TRERF1: variants seen among roughly 807,000 people sequenced by gnomAD.
The protein encoded by TRERF1 is transcriptional-regulating factor 1.
A neutral mutation model predicts 122.9 loss-of-function variants in TRERF1; 27 were observed. That is an observed-to-expected ratio of 0.22 (90% CI 0.16 to 0.30). The LOEUF is 0.30. Ranked by LOEUF, TRERF1 falls within the 10% of genes least tolerant of loss-of-function variation. TRERF1 has a pLI of 1.00. For missense variants in TRERF1, 1,248 were observed against 1,560.3 expected, an observed-to-expected ratio of 0.80 and a Z score of 3.37; for synonymous variants, 636 against 641.7, an observed-to-expected ratio of 0.99 and a Z score of 0.13.
intron 3 of TRERF1, among the ~76,000 whole-genome samples, chr6:42,326,095 T>C (rs116809072): frequency 0.014 from 2,121 of 152,108 alleles, 42 homozygotes; most frequent in African/African-American, 0.047. Context: ...ATGAGTTCAA[T>C]TGAAACCCAA....
At chr6:42,343,301 C>T (rs1185882857) in intron 3 of TRERF1, among the ~76,000 whole-genome samples, 1 of 152,256 alleles carries the variant, frequency 6.6e-6, no homozygotes, top group East Asian at 1.9e-4. Context: ...AGCATGTAGC[C>T]ACAAGAAACC....
rs1346746379 is a variant in TRERF1 at position 42,300,632 on chromosome 6, G to A, written c.-259+6C>T. 2 of 152,684 alleles carry A rather than the reference G, an allele frequency of 1.3e-5. No individual in the cohort carries two copies. The highest frequency in any genetic ancestry group is 2.9e-5 in the Non-Finnish European group (2 of 68,100). 9.5% of individuals were successfully genotyped at this position (152,684 alleles called of 1,614,324 possible). A position where few individuals can be genotyped will look rare whatever the true frequency, so the allele number is the denominator to read the frequency against. ...CAGCCTTCCAGAAGAAGGAAAGCAA[G>A]CTCACCTTGACCTCCGCAGATGGCT... On this transcript the variant is annotated splice_donor_region_variant and intron_variant, in intron 4 of 17. Transcript: ENST00000372922.
chr6:42,259,308 A>G lies in TRERF1; in HGVS notation c.2269+31T>C. On this transcript the variant is annotated intron_variant, in intron 9 of 17. Coordinates refer to ENST00000372922, the Ensembl canonical transcript of TRERF1. This position sits in a 1 kb window ranked among gnomAD's most constrained non-coding sequence, Gnocchi z 4.9. Reference sequence around the variant, plus strand: ...TCCCAGGACTTTACCCAGCACCCAGAGCCCAGGAGGACGCTAAAGGGGTGA... The same window carrying G: ...TCCCAGGACTTTACCCAGCACCCAGGGCCCAGGAGGACGCTAAAGGGGTGA... The G allele has an allele frequency of 1.3e-6, 2 of 1,485,830 alleles. No homozygotes were observed. Among genetic ancestry groups the G allele is most frequent in the Non-Finnish European group, 1.8e-6 (2 of 1,126,920 alleles). 92.0% of individuals were successfully genotyped at this position (1,485,830 alleles called of 1,614,324 possible).
chr6:42,285,177 C>T (rs1183320180), intron 4 of TRERF1, among the ~76,000 whole-genome samples: 4 of 152,122 alleles, frequency 2.6e-5, no homozygotes, highest in Non-Finnish European at 4.4e-5. Context: ...GTTTGTAGTT[C>T]TCCTTGAAGA....
intron 3 of TRERF1, among the ~76,000 whole-genome samples, chr6:42,339,238 C>A (rs1362951905): frequency 6.6e-6 from 1 of 152,212 alleles, no homozygotes; most frequent in Admixed American, 6.5e-5. Flanking sequence ...CTTTGTTTTT[C>A]TGCTACTTAC....
intron 3 of TRERF1, among the ~76,000 whole-genome samples, chr6:42,332,656 G>C (rs1765444944): frequency 6.6e-6 from 1 of 152,190 alleles, no homozygotes; most frequent in Non-Finnish European, 1.5e-5. Context: ...CTTCACCTCT[G>C]TAAATGTGCT....
At chr6:42,284,082 C>T (rs1252392941) in intron 4 of TRERF1, among the ~76,000 whole-genome samples, 1 of 152,088 alleles carries the variant, frequency 6.6e-6, no homozygotes, top group Admixed American at 6.6e-5. Context: ...GTGCATAAAC[C>T]ACTGATGATG....
At chr6:42,369,265 C>G (rs920076715) in intron 2 of TRERF1, among the ~76,000 whole-genome samples, 1 of 152,162 alleles carries the variant, frequency 6.6e-6, no homozygotes, top group Non-Finnish European at 1.5e-5. Context: ...GCCTGGCCAA[C>G]ATGGTGAAAC....
intron 2 of TRERF1, among the ~76,000 whole-genome samples, chr6:42,449,367 A>G (rs1261835735): frequency 6.6e-6 from 1 of 152,194 alleles, no homozygotes. Flanking sequence ...ATTCCTATAA[A>G]TCAGATCCTG....
chr6:42,420,911 A>G (rs1457470797), intron 2 of TRERF1, among the ~76,000 whole-genome samples: 1 of 152,178 alleles, frequency 6.6e-6, no homozygotes, highest in Non-Finnish European at 1.5e-5. Context: ...CTCTGCCCGA[A>G]CACTTCCCGC....
chr6:42,297,764 C>T (rs1334478904), intron 4 of TRERF1, among the ~76,000 whole-genome samples: 2 of 152,106 alleles, frequency 1.3e-5, no homozygotes, highest in Non-Finnish European at 2.9e-5. Context: ...ACCAAATCCT[C>T]TCTGGAAAAG....
At position 42,393,359 on chromosome 6, in the gene TRERF1, C is replaced by T. The variant is rs1313139496; in HGVS notation, c.-453-30280G>A. Among the ~76,000 whole-genome samples, 2 of 152,194 alleles carry T rather than the reference C, an allele frequency of 1.3e-5. No homozygotes were observed. Among genetic ancestry groups the T allele is most frequent in the African/African-American group, 4.8e-5 (2 of 41,442 alleles). Reference sequence around the variant, plus strand: ...TGAGTGACATTGTCAGGGCTTGAACCAGTATCTTCTGGGGCAGCCAAGGCC... The same window carrying T: ...TGAGTGACATTGTCAGGGCTTGAACTAGTATCTTCTGGGGCAGCCAAGGCC... On this transcript the variant is annotated intron_variant, in intron 2 of 17. Coordinates refer to ENST00000372922, the Ensembl canonical transcript of TRERF1. The surrounding 1 kb of genome is among the most constrained non-coding windows in gnomAD (Gnocchi z 4.1).
At chr6:42,412,534 G>A (rs1369354378) in intron 2 of TRERF1, among the ~76,000 whole-genome samples, 1 of 152,202 alleles carries the variant, frequency 6.6e-6, no homozygotes, top group Non-Finnish European at 1.5e-5. Context: ...TTTCTGAAGA[G>A]AAAGTCCATG....
intron 2 of TRERF1, among the ~76,000 whole-genome samples, chr6:42,373,914 C>T (rs1774282898): frequency 6.6e-6 from 1 of 151,146 alleles, no homozygotes; most frequent in Non-Finnish European, 1.5e-5. Context: ...GTGGGCAGAC[C>T]GTGAGGTCAG....
intron 3 of TRERF1, among the ~76,000 whole-genome samples, chr6:42,339,631 TTA>T (rs1766867076): frequency 6.6e-6 from 1 of 152,262 alleles, no homozygotes; most frequent in African/African-American, 2.4e-5. Context: ...ACAAGTGTGT[TTA>T]TGTTTCTATT....
At chr6:42,299,896 G>T (rs1785851334) in intron 4 of TRERF1, among the ~76,000 whole-genome samples, 1 of 152,206 alleles carries the variant, frequency 6.6e-6, no homozygotes, top group African/African-American at 2.4e-5. Context: ...AATGGTGAAT[G>T]AATGATTCTC....
In TRERF1 at chr6:42,271,593, T is replaced by A. The variant is rs150955310; in HGVS notation, c.-258-1745A>T. 3.0e-3 allele frequency among the ~76,000 whole-genome samples: 464 copies of A among 152,144 alleles called. 2 individuals carry two copies. The highest frequency in any genetic ancestry group is 0.011 in the African/African-American group (443 of 41,492). On this transcript the variant is annotated intron_variant, in intron 4 of 17. Coordinates refer to ENST00000372922, the Ensembl canonical transcript of TRERF1. ...ATTAAAAAAAGTTTATTTTAAAAAG[T>A]CACCCCCCCCAAAAAAAGTTACCCA...
intron 2 of TRERF1, among the ~76,000 whole-genome samples, chr6:42,449,823 C>T (rs1788156006): frequency 6.6e-6 from 1 of 152,196 alleles, no homozygotes. Context: ...AGAAAAAAAG[C>T]ACTCTCCATC....
intron 2 of TRERF1, among the ~76,000 whole-genome samples, chr6:42,394,249 C>A (rs981656895): frequency 8.5e-5 from 13 of 152,086 alleles, no homozygotes; most frequent in African/African-American, 3.1e-4. Context: ...ACTCTCCCCC[C>A]ACAACACACT....
Sources: gnomAD v4.1 joint callset for allele counts (sites outside exome capture counted in the v4.1 genomes callset) on GRCh38, gnomAD v4.1.1 for gene constraint, Gnocchi (gnomAD v3.1) non-coding constraint, MANE v1.5 for transcripts, NCBI Gene and HGNC (gene_info 2026-07-23, HGNC 2026-07-21) for gene names.